Variants in AGTPBP1 observed in about 807,000 individuals in gnomAD.
The protein encoded by AGTPBP1 is cytosolic carboxypeptidase 1.
A neutral mutation model predicts 143.9 loss-of-function variants in AGTPBP1; 70 were observed. That is an observed-to-expected ratio of 0.49 (90% CI 0.40 to 0.59). The LOEUF (loss-of-function observed/expected upper bound fraction) is 0.59, where lower values mean the gene tolerates loss of function less well. AGTPBP1 is among the 20% of genes least tolerant of loss of function. The pLI, the probability that AGTPBP1 is intolerant of heterozygous loss-of-function variation, is 0.00. For missense variants in AGTPBP1, 1,229 were observed against 1,464.5 expected (o/e 0.84, Z 2.62); for synonymous variants, 463 against 500.2 (o/e 0.93, Z 0.99).
At chr9:85,599,001 C>A (rs1829478783) in intron 17 of AGTPBP1, among the ~76,000 whole-genome samples, 1 of 152,164 alleles carries the variant, frequency 6.6e-6, no homozygotes, top group African/African-American at 2.4e-5. Context: ...GGATTACAGG[C>A]GTGAGCCACC....
intron 4 of AGTPBP1, 97 bp downstream of exon 4, chr9:85,681,169 ATG>A: frequency 9.4e-7 from 1 of 1,059,342 alleles, no homozygotes; most frequent in Non-Finnish European, 1.4e-6. Context: ...GTACGTGTGT[ATG>A]TGTTTCTGTG....
At chr9:85,548,685 TTG>T (rs1825867845) in intron 25 of AGTPBP1, among the ~76,000 whole-genome samples, 4 of 149,692 alleles carry the variant, frequency 2.7e-5, no homozygotes, top group Non-Finnish European at 4.4e-5. Context: ...GTTTTTGTTT[TTG>T]TTTTTTGAGA....
chr9:85,773,320 CTTTTTTTTTTTTTTT>C, the AGTPBP1 span, among the ~76,000 whole-genome samples: 81 of 29,948 alleles, frequency 2.7e-3, 1 homozygote, highest in African/African-American at 0.011. Context: ...CCAACAAATT[CTTTTTTTTTTTTTTT>C]TTTTTTTTTT....
chr9:85,566,658 A>C (rs186863089), intron 25 of AGTPBP1, among the ~76,000 whole-genome samples: 47 of 152,318 alleles, frequency 3.1e-4, no homozygotes, highest in Middle Eastern at 6.8e-3. Context: ...ACACATATGC[A>C]TATAGAAATA....
intron 18 of AGTPBP1, among the ~76,000 whole-genome samples, chr9:85,593,612 C>T (rs974036378): frequency 2.6e-5 from 4 of 152,028 alleles, no homozygotes; most frequent in African/African-American, 9.7e-5. Flanking sequence ...TTTAGAAATA[C>T]GTATGTAAGT....
the AGTPBP1 span, among the ~76,000 whole-genome samples, chr9:85,771,985 C>T: frequency 2.3e-5 from 3 of 132,332 alleles, no homozygotes; most frequent in African/African-American, 5.7e-5. Context: ...TTATGCTGTT[C>T]TTTTTTTTTT....
chr9:85,735,324 T>C (rs1312859281), intron 1 of AGTPBP1, among the ~76,000 whole-genome samples: 1 of 152,084 alleles, frequency 6.6e-6, no homozygotes, highest in African/African-American at 2.4e-5. Flanking sequence ...CTACTCAGAG[T>C]TGTCAAATTC....
intron 4 of AGTPBP1, 86 bp downstream of exon 4, chr9:85,681,182 T>C: frequency 1.7e-6 from 2 of 1,211,914 alleles, no homozygotes; most frequent in Non-Finnish European, 2.4e-6. Flanking sequence ...TGTTTCTGTG[T>C]GTATTTATAC....
chr9:85,562,254 G>A, intron 25 of AGTPBP1, among the ~76,000 whole-genome samples: 1 of 150,350 alleles, frequency 6.7e-6, no homozygotes. Context: ...CAGGACAGAT[G>A]GAACAAATAG....
chr9:85,610,546 C>G (rs112860622), intron 17 of AGTPBP1, among the ~76,000 whole-genome samples: 1 of 152,126 alleles, frequency 6.6e-6, no homozygotes, highest in Non-Finnish European at 1.5e-5. Context: ...AACTGCCAGC[C>G]TGTTCCTTTT....
intron 1 of AGTPBP1, chr9:85,741,523 G>A (rs1824278140): frequency 1.0e-6 from 1 of 985,282 alleles, no homozygotes; most frequent in Admixed American, 6.1e-5. Flanking sequence ...ATCCACCGAG[G>A]GTCCGGGGAC....
upstream of AGTPBP1, chr9:85,742,069 G>A: frequency 8.7e-7 from 1 of 1,145,448 alleles, no homozygotes; most frequent in East Asian, 4.0e-5. Flanking sequence ...AAAGGGGCGG[G>A]GCGGAGCGCA....
chr9:85,729,344 G>A (rs555768170), intron 1 of AGTPBP1, among the ~76,000 whole-genome samples: 2 of 152,176 alleles, frequency 1.3e-5, no homozygotes, highest in South Asian at 4.2e-4. Context: ...TTCAATATAC[G>A]CTACAACATA....
At chr9:85,724,426 C>T (rs1838339526) in intron 1 of AGTPBP1, among the ~76,000 whole-genome samples, 1 of 151,958 alleles carries the variant, frequency 6.6e-6, no homozygotes, top group South Asian at 2.1e-4. Context: ...TATATACAAA[C>T]CTGTGTCAAA....
intron 3 of AGTPBP1, among the ~76,000 whole-genome samples, chr9:85,689,569 C>A (rs186715704): frequency 6.6e-6 from 1 of 152,192 alleles, no homozygotes; most frequent in East Asian, 1.9e-4. Flanking sequence ...TATCTCTATA[C>A]TCTCTCTAAC....
Position 85,657,654 on chromosome 9 carries a change from A to C in AGTPBP1, c.701-11T>G. On this transcript the variant is annotated splice_polypyrimidine_tract_variant and intron_variant, in intron 9 of 25. Transcript: ENST00000357081. ...TCCTGGCATTTGTTTCTTTAACAAA[A>C]GAAGATTGAGAAAGAATATTTTTTA... 6.4e-7 allele frequency: 1 copy of C among 1,570,968 alleles called. No homozygotes were observed. The highest frequency in any genetic ancestry group is 1.7e-4 in the Middle Eastern group (1 of 5,900).
At chr9:85,608,558 CAT>C (rs1293009653) in intron 17 of AGTPBP1, among the ~76,000 whole-genome samples, 3 of 151,710 alleles carry the variant, frequency 2.0e-5, no homozygotes, top group Non-Finnish European at 4.4e-5. Flanking sequence ...CTCAACAGCA[CAT>C]GATACATTCA....
chr9:85,635,516 T>C (rs1831980461), intron 13 of AGTPBP1, among the ~76,000 whole-genome samples: 1 of 152,198 alleles, frequency 6.6e-6, no homozygotes, highest in Non-Finnish European at 1.5e-5. Flanking sequence ...TTTACATATA[T>C]TAAATATTTA....
At chr9:85,685,976 G>A (rs968572100) in intron 3 of AGTPBP1, among the ~76,000 whole-genome samples, 2 of 151,810 alleles carry the variant, frequency 1.3e-5, no homozygotes, top group African/African-American at 4.8e-5. Context: ...TAACTAAAAA[G>A]CCAATAGGTA....
Sources: allele counts gnomAD v4.1 joint callset (sites outside exome capture counted in the v4.1 genomes callset), GRCh38; gene constraint gnomAD v4.1.1; transcripts MANE v1.5; gene names NCBI Gene and HGNC (gene_info 2026-07-23, HGNC 2026-07-21).